HPGD: variants seen among roughly 807,000 people sequenced by gnomAD.
The protein encoded by HPGD is 15-hydroxyprostaglandin dehydrogenase [NAD(+)].
HPGD carries 29 observed loss-of-function variants against 30.0 expected under a neutral mutation model. The observed-to-expected ratio is 0.97, with a 90% CI of 0.72 to 1.32. HPGD has a LOEUF of 1.32. HPGD is among the 40% of genes most tolerant of loss of function. The pLI is 0.00. For missense variants in HPGD, 340 were observed against 322.1 expected, an observed-to-expected ratio of 1.06 and a Z score of -0.43; for synonymous variants, 99 against 112.4, an observed-to-expected ratio of 0.88 and a Z score of 0.75.
rs1560975816 is a variant in HPGD at position 174,495,531 on chromosome 4, GGTT to G, written c.498+14_498+16del. The G allele has an allele frequency of 4.5e-6, 7 of 1,572,398 alleles. No homozygotes were observed. Among genetic ancestry groups the G allele is most frequent in the Non-Finnish European group, 6.1e-6 (7 of 1,142,100 alleles). Reference sequence around the variant, plus strand: ...GTACAAAGAGAAAATGAGATATGACGGTTGTTGTAGCCTCACCGCTGCTGAGCG... The same window carrying G: ...GTACAAAGAGAAAATGAGATATGACGGTTGTAGCCTCACCGCTGCTGAGCG... On this transcript the variant is annotated intron_variant, in intron 5 of 6. Transcript: ENST00000296522.
intron 4 of HPGD, among the ~76,000 whole-genome samples, chr4:174,506,037 C>T (rs1247891965): frequency 6.6e-6 from 1 of 152,088 alleles, no homozygotes; most frequent in African/African-American, 2.4e-5. Context: ...AGAGAAATGC[C>T]CACACATGAT....
At chr4:174,501,707 T>C (rs912303039) in intron 4 of HPGD, among the ~76,000 whole-genome samples, 2 of 152,090 alleles carry the variant, frequency 1.3e-5, no homozygotes, top group Non-Finnish European at 2.9e-5. Flanking sequence ...AAATAATATA[T>C]ATAGCACTTA....
chr4:174,495,263 C>T (rs1734534434), intron 5 of HPGD: 1 of 409,032 alleles, frequency 2.4e-6, no homozygotes, highest in Non-Finnish European at 4.5e-6. Flanking sequence ...AATAATATTT[C>T]CATTTGGGGT....
intron 3 of HPGD, among the ~76,000 whole-genome samples, chr4:174,509,188 T>C (rs923133150): frequency 2.6e-5 from 4 of 152,252 alleles, no homozygotes; most frequent in Non-Finnish European, 4.4e-5. Flanking sequence ...TGTCTCAGTA[T>C]TCCACACTTA....
rs1462714987 is a variant in HPGD at position 174,492,871 on chromosome 4, A to C, written c.662+280T>G. 6.6e-6 allele frequency among the ~76,000 whole-genome samples: 1 copy of C among 152,144 alleles called. No homozygotes were observed. Among genetic ancestry groups the C allele is most frequent in the Non-Finnish European group, 1.5e-5 (1 of 67,988 alleles). ...AATATTGCTTGGAATTTAGGCAGAG[A>C]AGGTATCATTGCCTTCAAAGGTGAC... On this transcript the variant is annotated intron_variant, in intron 6 of 6. Transcript: ENST00000296522. The surrounding 1 kb of genome is among the most constrained non-coding windows in gnomAD (Gnocchi z 4.9).
At chr4:174,516,032 A>T (rs1020339470) in intron 3 of HPGD, among the ~76,000 whole-genome samples, 3 of 152,194 alleles carry the variant, frequency 2.0e-5, no homozygotes, top group Non-Finnish European at 4.4e-5. Context: ...GAACACTTAT[A>T]TGCTGCTGGT....
At chr4:174,495,509 C>A in intron 5 of HPGD, 39 bp downstream of exon 5, 1 of 1,442,988 alleles carries the variant, frequency 6.9e-7, no homozygotes, top group Non-Finnish European at 9.8e-7. Flanking sequence ...TAAATGTGTA[C>A]AAAGAGAAAA....
chr4:174,504,693 A>T (rs2110816865), intron 4 of HPGD, among the ~76,000 whole-genome samples: 1 of 151,528 alleles, frequency 6.6e-6, no homozygotes, highest in South Asian at 2.1e-4. Flanking sequence ...TGCACCTGTA[A>T]TCCCAGCTAC....
chr4:174,503,417 G>A lies in HPGD; in HGVS notation c.421+5279C>T, dbSNP rs541187821. Among the ~76,000 whole-genome samples, 477 of 152,238 alleles carry A rather than the reference G, an allele frequency of 3.1e-3. 1 individual carries two copies. The highest frequency in any genetic ancestry group is 5.2e-3 in the Non-Finnish European group (352 of 68,010). On this transcript the variant is annotated intron_variant, in intron 4 of 6. Transcript: ENST00000296522. Reference sequence around the variant, plus strand: ...AGATTCATTGTTCAACTATAAATTGGAGATAATTAAATTGACCTCTATTGT... The same window carrying A: ...AGATTCATTGTTCAACTATAAATTGAAGATAATTAAATTGACCTCTATTGT...
intron 4 of HPGD, 55 bp downstream of exon 4, chr4:174,508,641 G>A: frequency 1.0e-6 from 1 of 976,924 alleles, no homozygotes; most frequent in Non-Finnish European, 1.7e-6. Flanking sequence ...ATTTGTTTTT[G>A]TGGTCCAAAT....
intron 4 of HPGD, 104 bp from the exon 5 acceptor site, chr4:174,495,728 A>G: frequency 1.2e-6 from 1 of 815,672 alleles, no homozygotes; most frequent in Non-Finnish European, 2.1e-6. Flanking sequence ...TTTCAATTTA[A>G]GATGAATCTG....
chr4:174,499,129 C>A (rs551061551), intron 4 of HPGD, among the ~76,000 whole-genome samples: 1 of 152,238 alleles, frequency 6.6e-6, no homozygotes, highest in South Asian at 2.1e-4. Flanking sequence ...TGTTCTGGGG[C>A]TGGTAATAAG....
intron 3 of HPGD, among the ~76,000 whole-genome samples, chr4:174,512,997 G>A (rs187397251): frequency 2.6e-5 from 4 of 152,114 alleles, no homozygotes; most frequent in Non-Finnish European, 2.9e-5. Context: ...GACATCAGTC[G>A]AATTCTGTAA....
intron 4 of HPGD, among the ~76,000 whole-genome samples, chr4:174,505,265 A>G (rs1382063790): frequency 6.6e-6 from 1 of 152,216 alleles, no homozygotes; most frequent in Non-Finnish European, 1.5e-5. Flanking sequence ...CACTGTATCC[A>G]CGCTAGAGAT....
chr4:174,515,920 C>A (rs554165805), intron 3 of HPGD, among the ~76,000 whole-genome samples: 1 of 152,124 alleles, frequency 6.6e-6, no homozygotes, highest in South Asian at 2.1e-4. Flanking sequence ...CAAATCAGAA[C>A]CACAATGAAA....
chr4:174,518,260 A>G (rs775239287), intron 2 of HPGD, among the ~76,000 whole-genome samples, 183 bp from the exon 3 acceptor site: 19 of 152,218 alleles, frequency 1.2e-4, no homozygotes, highest in Admixed American at 3.3e-4. Context: ...AGAAGCATCA[A>G]TCTGGCAGCT....
At chr4:174,504,780 T>A (rs1234515373) in intron 4 of HPGD, among the ~76,000 whole-genome samples, 2 of 151,900 alleles carry the variant, frequency 1.3e-5, no homozygotes, top group African/African-American at 4.8e-5. Context: ...GCCATTGCAC[T>A]CCAGCCTGGG....
chr4:174,516,466 AGTCCC>A (rs1735779202), intron 3 of HPGD, among the ~76,000 whole-genome samples: 1 of 152,154 alleles, frequency 6.6e-6, no homozygotes, highest in Non-Finnish European at 1.5e-5. Context: ...GGGGAACAAT[AGTCCC>A]CAAGGTCTAC....
chr4:174,510,767 T>C (rs1735446043), intron 3 of HPGD, among the ~76,000 whole-genome samples: 1 of 152,188 alleles, frequency 6.6e-6, no homozygotes, highest in Admixed American at 6.5e-5. Context: ...TTTCCTCCTT[T>C]ACTATAACAA....
Sources: allele counts gnomAD v4.1 joint callset (sites outside exome capture counted in the v4.1 genomes callset), GRCh38; gene constraint gnomAD v4.1.1; non-coding constraint Gnocchi (gnomAD v3.1); transcripts MANE v1.5; gene names NCBI Gene and HGNC (gene_info 2026-07-23, HGNC 2026-07-21).